Variants in CAMTA1 observed in about 807,000 individuals in gnomAD.
The protein encoded by CAMTA1 is calmodulin binding transcription activator 1.
CAMTA1 carries 27 observed loss-of-function variants against 170.9 expected under a neutral mutation model. The ratio of observed to expected loss-of-function variants is 0.16; its 90% CI spans 0.12 to 0.22. The LOEUF (loss-of-function observed/expected upper bound fraction) is 0.22. CAMTA1 is among the 10% of genes least tolerant of loss of function. The probability of loss-of-function intolerance (pLI) is 1.00; values close to 1 mark genes in which losing one functional copy is unlikely to be tolerated. For missense variants in CAMTA1, 1,619 were observed against 2,217.2 expected (o/e 0.73, Z 5.42); for synonymous variants, 833 against 891.5 (o/e 0.93, Z 1.17).
chr1:7,665,352 G>A lies in CAMTA1; in HGVS notation c.2652+153G>A, dbSNP rs146321085. 8.3e-4 allele frequency among the ~76,000 whole-genome samples: 127 copies of A among 152,232 alleles called. No homozygotes were observed. The highest frequency in any genetic ancestry group is 2.4e-3 in the African/African-American group (101 of 41,548). On this transcript the variant is annotated intron_variant, in intron 9 of 22. Coordinates refer to ENST00000303635, the MANE Select transcript of CAMTA1 (RefSeq NM_015215.4). This position sits in a 1 kb window ranked among gnomAD's most constrained non-coding sequence, Gnocchi z 4.3. The stretch of plus-strand genomic sequence containing the variant: ...TGCTTTCCCCTCCTTGTGTCCCCAC[G>A]GCGCTTGAACACCTCCGTCTTTCAC...
chr1:7,048,143 C>T (rs1705710932), intron 3 of CAMTA1, among the ~76,000 whole-genome samples: 1 of 152,068 alleles, frequency 6.6e-6, no homozygotes, highest in Non-Finnish European at 1.5e-5. Context: ...TGGAGGCTTC[C>T]TGGACTTGTG....
intron 5 of CAMTA1, among the ~76,000 whole-genome samples, chr1:7,265,094 C>G (rs1668711936): frequency 6.6e-6 from 1 of 152,112 alleles, no homozygotes; most frequent in African/African-American, 2.4e-5. Flanking sequence ...CAGAACTTCT[C>G]AGGCAGCCTC....
At chr1:7,109,460 C>T (rs1349654400) in intron 4 of CAMTA1, among the ~76,000 whole-genome samples, 1 of 152,206 alleles carries the variant, frequency 6.6e-6, no homozygotes, top group Non-Finnish European at 1.5e-5. Context: ...CTTACAATGG[C>T]TGAATTGGAT....
In CAMTA1 at chr1:7,576,033, G is replaced by A. The variant is rs189305398; in HGVS notation, c.511-64367G>A. On this transcript the variant is annotated intron_variant, in intron 6 of 22. Coordinates refer to ENST00000303635, the MANE Select transcript of CAMTA1 (RefSeq NM_015215.4). ...TTTGTTTTGTTTTGTTTTTGAGACA[G>A]AGTCTTGCTCTGTCACCCAGGCTGG... Among the ~76,000 whole-genome samples the A allele has an allele frequency of 3.5e-3, 538 of 152,216 alleles. 5 individuals are homozygous for A. Among genetic ancestry groups the A allele is most frequent in the African/African-American group, 0.013 (524 of 41,542 alleles).
chr1:7,578,263 CA>C (rs1174064439), intron 6 of CAMTA1, among the ~76,000 whole-genome samples: 9 of 152,310 alleles, frequency 5.9e-5, no homozygotes. Context: ...GAGGGGAGGA[CA>C]GGGGCCGTGG....
chr1:7,452,204 C>CG (rs1326588338), intron 5 of CAMTA1, among the ~76,000 whole-genome samples: 1 of 152,180 alleles, frequency 6.6e-6, no homozygotes, highest in African/African-American at 2.4e-5. Flanking sequence ...GATAGACTCA[C>CG]GGGGGGTCTG....
At chr1:7,351,418 G>T (rs1045116909) in intron 5 of CAMTA1, among the ~76,000 whole-genome samples, 2 of 152,252 alleles carry the variant, frequency 1.3e-5, no homozygotes, top group Non-Finnish European at 2.9e-5. Context: ...CTGCTAGAGA[G>T]GGCCAAGGTA....
At chr1:7,005,263 G>A (rs148290262) in intron 3 of CAMTA1, among the ~76,000 whole-genome samples, 138 of 152,254 alleles carry the variant, frequency 9.1e-4, no homozygotes, top group Middle Eastern at 3.4e-3. Flanking sequence ...CACTCTGGCC[G>A]GTTTTCCAGA....
intron 6 of CAMTA1, among the ~76,000 whole-genome samples, chr1:7,564,908 AG>A (rs1457016226): frequency 1.3e-5 from 2 of 151,876 alleles, no homozygotes; most frequent in Non-Finnish European, 2.9e-5. Context: ...ATAGTCAAGG[AG>A]AAGGAGGGTG....
At chr1:6,932,445 C>T (rs76368964) in intron 3 of CAMTA1, among the ~76,000 whole-genome samples, 2 of 152,260 alleles carry the variant, frequency 1.3e-5, no homozygotes, top group Non-Finnish European at 2.9e-5. Flanking sequence ...GTTATTTCCA[C>T]TTTTTACTTT....
intron 5 of CAMTA1, among the ~76,000 whole-genome samples, chr1:7,285,816 T>G (rs1160102358): frequency 6.6e-6 from 1 of 152,200 alleles, no homozygotes; most frequent in Non-Finnish European, 1.5e-5. Context: ...CCACTATGAT[T>G]AGGTGTCACC....
rs1328461176 is a variant in CAMTA1, at chr1:6,861,964, CT to C, written c.234+36770del. Among the ~76,000 whole-genome samples, 1,103 of 140,070 alleles carry C rather than the reference CT, an allele frequency of 7.9e-3. 8 individuals are homozygous for C. Among genetic ancestry groups the C allele is most frequent in the African/African-American group, 0.022 (858 of 38,310 alleles). 91.9% of individuals were successfully genotyped at this position (140,070 alleles called of 152,430 possible). On this transcript the variant is annotated intron_variant, in intron 3 of 22. Coordinates refer to ENST00000303635, the MANE Select transcript of CAMTA1 (RefSeq NM_015215.4). ...TAAAGTGAAGTCATATAGTATTTGT[CT>C]TTTTTTTTTTTTTTTGAGACGGAGT... is the stretch of plus-strand genomic sequence containing the variant.
At chr1:7,164,041 C>T (rs1285346815) in intron 4 of CAMTA1, among the ~76,000 whole-genome samples, 1 of 152,184 alleles carries the variant, frequency 6.6e-6, no homozygotes, top group Non-Finnish European at 1.5e-5. Context: ...GAATGCTGAG[C>T]TCTTCCCAGA....
chr1:7,717,298 T>A (rs2096617613), intron 11 of CAMTA1, among the ~76,000 whole-genome samples: 2 of 152,206 alleles, frequency 1.3e-5, no homozygotes, highest in African/African-American at 4.8e-5. Context: ...TGTGTCATTA[T>A]TTAATGAACA....
At chr1:6,810,565 G>A (rs1557600698) in intron 1 of CAMTA1, among the ~76,000 whole-genome samples, 1 of 152,174 alleles carries the variant, frequency 6.6e-6, no homozygotes. Flanking sequence ...CCAGCAGTTT[G>A]GGAGGCTGAG....
intron 1 of CAMTA1, among the ~76,000 whole-genome samples, chr1:6,818,705 C>G (rs1646123301): frequency 6.6e-6 from 1 of 152,132 alleles, no homozygotes; most frequent in Admixed American, 6.5e-5. Flanking sequence ...GTGGTGTGAT[C>G]ATGGCTCACT....
At chr1:7,374,873 G>A (rs760332727) in intron 5 of CAMTA1, among the ~76,000 whole-genome samples, 2 of 152,218 alleles carry the variant, frequency 1.3e-5, no homozygotes, top group Admixed American at 1.3e-4. Context: ...AGAGCTAGTC[G>A]GCAGCGGGAC....
chr1:7,568,347 T>C (rs1466559251), intron 6 of CAMTA1, among the ~76,000 whole-genome samples: 2 of 136,252 alleles, frequency 1.5e-5, no homozygotes, highest in African/African-American at 3.0e-5. Flanking sequence ...CATCACCACA[T>C]CACCATCATC....
chr1:6,973,143 C>T (rs942851328), intron 3 of CAMTA1, among the ~76,000 whole-genome samples: 7 of 152,206 alleles, frequency 4.6e-5, no homozygotes, highest in East Asian at 1.9e-4. Context: ...TGAGCCACCA[C>T]GCCTAGCCGT....
Sources: gnomAD v4.1 joint callset for allele counts (sites outside exome capture counted in the v4.1 genomes callset) on GRCh38, gnomAD v4.1.1 for gene constraint, Gnocchi (gnomAD v3.1) non-coding constraint, MANE v1.5 for transcripts, NCBI Gene and HGNC (gene_info 2026-07-23, HGNC 2026-07-21) for gene names.